The following ZDHHC1 variants were observed in gnomAD, a reference collection of about 807,000 sequenced individuals.
ZDHHC1 encodes the protein zDHHC palmitoyltransferase 1, also known as palmitoyltransferase ZDHHC1.
Under a neutral mutation model 46.9 loss-of-function variants are expected in ZDHHC1, and 45 were observed. The ratio of observed to expected loss-of-function variants is 0.96; its 90% CI spans 0.76 to 1.23. The LOEUF is 1.23. ZDHHC1 is among the 50% of genes most tolerant of loss of function. The pLI is 0.00. For missense variants in ZDHHC1, 649 were observed against 670.8 expected (o/e 0.97, Z 0.36); for synonymous variants, 291 against 286.0 (o/e 1.02, Z -0.18).
At chr16:67,397,461 A>C (rs1351321017) in intron 8 of ZDHHC1, among the ~76,000 whole-genome samples, 1 of 152,200 alleles carries the variant, frequency 6.6e-6, no homozygotes, top group Middle Eastern at 3.2e-3. Flanking sequence ...AGTAGTGTCC[A>C]GCCCTGGTGA....
chr16:67,398,069 C>T, intron 8 of ZDHHC1, 143 bp downstream of exon 8: 1 of 792,642 alleles, frequency 1.3e-6, no homozygotes, highest in Non-Finnish European at 2.0e-6. Flanking sequence ...CGAGCAGGCA[C>T]ACGCTCAGCA....
At chr16:67,403,263 AGTCTGG>A (rs2040587122) in intron 3 of ZDHHC1, among the ~76,000 whole-genome samples, 1 of 152,258 alleles carries the variant, frequency 6.6e-6, no homozygotes, top group Non-Finnish European at 1.5e-5. Context: ...AGGAACCAGA[AGTCTGG>A]GTTTTTATGT....
intron 4 of ZDHHC1, among the ~76,000 whole-genome samples, chr16:67,400,554 C>T (rs941095603): frequency 1.3e-5 from 2 of 152,204 alleles, no homozygotes; most frequent in African/African-American, 4.8e-5. Flanking sequence ...CCTTTCTAAG[C>T]GCTGGGCTCT....
In ZDHHC1 at chr16:67,406,270, A is replaced by T; in HGVS notation, c.182T>A (p.Phe61Tyr). The change falls in exon 3 of 12, where the codon TTC (phenylalanine) becomes TAC (tyrosine). Residue 61 changes from phenylalanine to tyrosine, a missense_variant. Phe to Tyr is a conservative substitution (Grantham distance 22). Coordinates refer to ENST00000565726, the MANE Select transcript of ZDHHC1 (RefSeq NM_001323627.2). The surrounding 1 kb of genome is among the most constrained non-coding windows in gnomAD (Gnocchi z 4.1). ...GATCCCAAAGCCGATCACAGCAAAG[A>T]AGAGGTACAGCAGCCAGGCCACAAT... Reference protein sequence around the residue: ...LQIVAWLLYLFFAVIGFGILV... With the variant: ...LQIVAWLLYLYFAVIGFGILV... 6.2e-7 allele frequency: 1 copy of T among 1,612,120 alleles called. No homozygotes were observed. The highest frequency in any genetic ancestry group is 8.5e-7 in the Non-Finnish European group (1 of 1,179,332).
intron 1 of ZDHHC1, among the ~76,000 whole-genome samples, chr16:67,414,633 G>A (rs2040803362): frequency 6.6e-6 from 1 of 152,210 alleles, no homozygotes; most frequent in Admixed American, 6.5e-5. Flanking sequence ...ATTTCCAACT[G>A]TTCTTGTAGA....
intron 8 of ZDHHC1, 95 bp downstream of exon 8, chr16:67,398,117 G>C: frequency 7.8e-7 from 1 of 1,274,504 alleles, no homozygotes; most frequent in Non-Finnish European, 1.1e-6. Flanking sequence ...GCTGTTCCAG[G>C]CTTGCCTCCC....
chr16:67,394,492 G>A lies in ZDHHC1; in HGVS notation c.*118C>T, dbSNP rs550661008. The A allele has an allele frequency of 1.6e-5, 14 of 897,858 alleles. No homozygotes were observed. The Admixed American group carries it at 3.0e-4, about 20-fold the overall frequency. The allele number at this position is 897,858 out of a possible 1,614,324, so 55.6% of individuals were successfully genotyped here. A position where few individuals can be genotyped will look rare whatever the true frequency, so the allele number is the denominator to read the frequency against. On this transcript the variant is annotated 3_prime_UTR_variant, in exon 12 of 12. Coordinates refer to ENST00000565726, the MANE Select transcript of ZDHHC1 (RefSeq NM_001323627.2). ...GGGTATTGCTGAGTCGTGGGGGAGG[G>A]AGGCCGATCCCGCCGGCCGTAGGGG...
chr16:67,413,452 T>C (rs1268925964), intron 1 of ZDHHC1, among the ~76,000 whole-genome samples: 2 of 152,208 alleles, frequency 1.3e-5, no homozygotes, highest in Admixed American at 1.3e-4. Flanking sequence ...CTTTGTTTAT[T>C]AAAATTCCCC....
In ZDHHC1 at chr16:67,395,532, A is replaced by G. The variant is rs1421182021; in HGVS notation, c.962T>C (p.Met321Thr). ...MEFYMRTFRH[M>T]RPEPPGQAGP... ...GGCCTGGCCAGGGGGCTCTGGGCGC[A>G]TATGTCTGAAGGTCCGCATGTAGAA... is the stretch of plus-strand genomic sequence containing the variant. Residue 321 changes from methionine (M) to threonine (T), a missense_variant, in exon 9 of 12, where the codon ATG becomes ACG. Transcript: ENST00000565726. 3.2e-6 allele frequency: 5 copies of G among 1,555,184 alleles called. No homozygotes were observed. Among genetic ancestry groups the G allele is most frequent in the Non-Finnish European group, 4.4e-6 (5 of 1,148,714 alleles).
chr16:67,412,051 T>C (rs147822850), intron 1 of ZDHHC1, among the ~76,000 whole-genome samples: 7,887 of 151,218 alleles, frequency 0.052, 613 homozygotes, highest in African/African-American at 0.17. Context: ...AGGCAGAGGT[T>C]GCAGTGAGCC....
In ZDHHC1 at chr16:67,401,279, G is replaced by A; in HGVS notation, c.253-147C>T. The A allele has an allele frequency of 8.7e-7, 1 of 1,151,310 alleles. No homozygotes were observed. The highest frequency in any genetic ancestry group is 1.6e-5 in the South Asian group (1 of 64,006). The allele number at this position is 1,151,310 out of a possible 1,614,324, so 71.3% of individuals were successfully genotyped here. A position where few individuals can be genotyped will look rare whatever the true frequency, so the allele number is the denominator to read the frequency against. ...CACCTCCTACCTCCAGTCCCCCAAA[G>A]CCTCCTCATCAGACCTCTCCAGGTA... On this transcript the variant is annotated intron_variant, in intron 3 of 11. Coordinates refer to ENST00000565726, the MANE Select transcript of ZDHHC1 (RefSeq NM_001323627.2). This position sits in a 1 kb window ranked among gnomAD's most constrained non-coding sequence, Gnocchi z 4.6.
At chr16:67,410,440 G>A (rs1477280467) in intron 1 of ZDHHC1, among the ~76,000 whole-genome samples, 1 of 152,176 alleles carries the variant, frequency 6.6e-6, no homozygotes, top group African/African-American at 2.4e-5. Context: ...ATAAAGGGAA[G>A]ACAGGAAGGA....
intron 1 of ZDHHC1, among the ~76,000 whole-genome samples, chr16:67,412,333 A>G (rs576310624): frequency 3.2e-5 from 4 of 124,094 alleles, no homozygotes; most frequent in South Asian, 4.3e-4. Flanking sequence ...ACTGCTTTTG[A>G]AAAAAAAAAA....
intron 1 of ZDHHC1, among the ~76,000 whole-genome samples, chr16:67,415,146 T>TA (rs992872214): frequency 1.3e-5 from 2 of 149,748 alleles, no homozygotes; most frequent in African/African-American, 4.9e-5. Flanking sequence ...AAAATAAAAA[T>TA]AAAAATAAAC....
chr16:67,399,797 G>C (rs775106713), intron 4 of ZDHHC1, among the ~76,000 whole-genome samples: 1 of 152,196 alleles, frequency 6.6e-6, no homozygotes, highest in Non-Finnish European at 1.5e-5. Flanking sequence ...AGAAGATGCA[G>C]GTGTGGGCCC....
intron 8 of ZDHHC1, among the ~76,000 whole-genome samples, chr16:67,396,736 A>G (rs1242526136): frequency 6.6e-6 from 1 of 152,014 alleles, no homozygotes; most frequent in Non-Finnish European, 1.5e-5. Context: ...GGGACTGGAA[A>G]CCTCAAGATC....
Position 67,394,874 on chromosome 16 carries a change from G to T in ZDHHC1, c.1185C>A (p.Arg395=). The change falls in exon 12 of 12, where the codon CGC becomes CGA. Residue 395 remains arginine, a synonymous_variant. Coordinates refer to ENST00000565726, the MANE Select transcript of ZDHHC1 (RefSeq NM_001323627.2). ...CGGAATCCGTCGACGAGCTGGAGCG[G>T]CGGCTGGGGGCCCTAGGCCCTGCGC... ...DPASGPRAPS[R]RSSSSTDSAD... 6.4e-7 allele frequency: 1 copy of T among 1,562,100 alleles called. No individual in the cohort carries two copies.
chr16:67,401,310 T>C lies in ZDHHC1; in HGVS notation c.253-178A>G, dbSNP rs572417740. Among the ~76,000 whole-genome samples the C allele has an allele frequency of 3.3e-4, 50 of 152,270 alleles. No individual in the cohort carries two copies. The highest frequency in any genetic ancestry group is 1.1e-3 in the African/African-American group (47 of 41,558). ...TCATCAGACCTCTCCAGGTAACCCC[T>C]ATGCCCCAAATGGAAAGAGGGAGAG... On this transcript the variant is annotated intron_variant, in intron 3 of 11. Transcript: ENST00000565726. The surrounding 1 kb of genome is among the most constrained non-coding windows in gnomAD (Gnocchi z 4.6).
At chr16:67,408,487 GTTTT>G (rs2040700821) in intron 1 of ZDHHC1, among the ~76,000 whole-genome samples, 1 of 151,552 alleles carries the variant, frequency 6.6e-6, no homozygotes. Context: ...GCTTTGTTTT[GTTTT>G]GTTTTTTGTT....
Sources: allele counts gnomAD v4.1 joint callset (sites outside exome capture counted in the v4.1 genomes callset), GRCh38; gene constraint gnomAD v4.1.1; non-coding constraint Gnocchi (gnomAD v3.1); transcripts MANE v1.5; gene names NCBI Gene and HGNC (gene_info 2026-07-23, HGNC 2026-07-21).